Variants in EXT2 observed in about 807,000 individuals in gnomAD.
EXT2 encodes the protein exostosin glycosyltransferase 2.
EXT2 carries 53 observed loss-of-function variants against 81.6 expected under a neutral mutation model. The ratio of observed to expected loss-of-function variants is 0.65; its 90% CI spans 0.52 to 0.82. The LOEUF is 0.82. Ranked by LOEUF, EXT2 falls within the 40% of genes least tolerant of loss-of-function variation. EXT2 has a pLI of 0.00. For synonymous variants in EXT2, 320 were observed against 340.0 expected (o/e 0.94, Z 0.65); for missense variants, 774 against 910.2 (o/e 0.85, Z 1.93).
rs78021446 is a variant in EXT2, at chr11:44,241,326, A to C, written c.2019-2823A>C. 5.0e-3 allele frequency among the ~76,000 whole-genome samples: 758 copies of C among 152,376 alleles called. 7 individuals are homozygous for C. Among genetic ancestry groups the C allele is most frequent in the East Asian group, 0.044 (226 of 5,188 alleles). ...AATTAGGCTAATCTTTATTCAAATGATGAGTTTGCCACACTTATTAGCTGT... is the reference window on the plus strand; with the variant it reads ...AATTAGGCTAATCTTTATTCAAATGCTGAGTTTGCCACACTTATTAGCTGT... On this transcript the variant is annotated intron_variant, in intron 13 of 13. Coordinates refer to ENST00000533608, the MANE Select transcript of EXT2 (RefSeq NM_207122.2).
intron 3 of EXT2, 140 bp from the exon 4 acceptor site, chr11:44,114,045 A>G (rs1954184313): frequency 1.3e-6 from 1 of 790,302 alleles, no homozygotes; most frequent in Admixed American, 1.8e-5. Context: ...TGTATAAGGC[A>G]TTGTCTTTAT....
intron 1 of EXT2, among the ~76,000 whole-genome samples, chr11:44,106,732 C>A (rs1313866934): frequency 6.6e-6 from 1 of 152,162 alleles, no homozygotes; most frequent in Non-Finnish European, 1.5e-5. Flanking sequence ...TGGATTCAAG[C>A]AATTCTCCTG....
At chr11:44,209,323 G>T (rs899815669) in intron 10 of EXT2, among the ~76,000 whole-genome samples, 1 of 152,130 alleles carries the variant, frequency 6.6e-6, no homozygotes, top group Non-Finnish European at 1.5e-5. Context: ...CTGTGTGATA[G>T]ACAGTAGATT....
chr11:44,169,491 G>T (rs958873018), intron 7 of EXT2, among the ~76,000 whole-genome samples: 2 of 151,956 alleles, frequency 1.3e-5, no homozygotes, highest in South Asian at 2.1e-4. Flanking sequence ...AAAATTTTTT[G>T]ATCAATTCTA....
chr11:44,152,233 T>C (rs899443134), intron 7 of EXT2, among the ~76,000 whole-genome samples: 9 of 152,220 alleles, frequency 5.9e-5, no homozygotes, highest in Admixed American at 2.6e-4. Context: ...AAGTCCAGCT[T>C]ATCTATTATT....
intron 8 of EXT2, among the ~76,000 whole-genome samples, chr11:44,174,888 G>A (rs769531020): frequency 1.9e-4 from 29 of 152,162 alleles, no homozygotes; most frequent in Non-Finnish European, 3.4e-4. Flanking sequence ...GTAGTTTAAG[G>A]AACTTCAGAG....
intron 1 of EXT2, among the ~76,000 whole-genome samples, chr11:44,105,610 A>G (rs1181742974): frequency 6.6e-6 from 1 of 152,306 alleles, no homozygotes; most frequent in East Asian, 1.9e-4. Context: ...GTGGATTGGT[A>G]TTTTGACATG....
chr11:44,173,800 C>A lies in EXT2; in HGVS notation c.1305+2058C>A, dbSNP rs543665220. ...AGCCAGGATGGTCTCATCTCCTGAT[C>A]TTGTGATCCGCCTGCCTCGGCCTCC... On this transcript the variant is annotated intron_variant, in intron 8 of 13. Coordinates refer to ENST00000533608, the MANE Select transcript of EXT2 (RefSeq NM_207122.2). Among the ~76,000 whole-genome samples, 7 of 152,130 alleles carry A rather than the reference C, an allele frequency of 4.6e-5. No individual in the cohort carries two copies. In the South Asian group the frequency reaches 1.5e-3, roughly 32 times the overall value.
chr11:44,206,427 C>A (rs1460582472), intron 9 of EXT2, among the ~76,000 whole-genome samples: 12 of 152,190 alleles, frequency 7.9e-5, no homozygotes. Flanking sequence ...CTCTTCCTGT[C>A]ATTGTGACCT....
intron 7 of EXT2, among the ~76,000 whole-genome samples, chr11:44,143,108 C>T (rs932286910): frequency 1.3e-5 from 2 of 152,156 alleles, no homozygotes; most frequent in African/African-American, 4.8e-5. Context: ...TGCACCACCA[C>T]ACCTGGCTAA....
chr11:44,096,327 G>A lies in EXT2; in HGVS notation c.-31+475G>A, dbSNP rs941248621. On this transcript the variant is annotated intron_variant, in intron 1 of 13. Coordinates refer to ENST00000533608, the MANE Select transcript of EXT2 (RefSeq NM_207122.2). ...GCCAGAAGCCGTGGGACGAGGTAGG[G>A]AAGGGGCCAGGGGCATGTTATGCCG... 2.0e-6 allele frequency: 3 copies of A among 1,535,748 alleles called. No individual in the cohort carries two copies. The African/African-American group carries it at 4.1e-5, about 21-fold the overall frequency.
At position 44,232,352 on chromosome 11, in the gene EXT2, G is replaced by A; in HGVS notation, c.1663-1G>A. 1 of 1,613,686 alleles carries A rather than the reference G, an allele frequency of 6.2e-7. No homozygotes were observed. The highest frequency in any genetic ancestry group is 2.2e-5 in the East Asian group (1 of 44,888). ...GATTGTTATTATGTGTCTGTCCTTA[G>A]GTCTGGCGGGAATTTCCTGACCGGT... On this transcript the variant is annotated splice_acceptor_variant, in intron 10 of 13. Transcript: ENST00000533608. LOFTEE classifies it high-confidence loss of function.
intron 1 of EXT2, among the ~76,000 whole-genome samples, chr11:44,099,298 G>T (rs1386451710): frequency 6.6e-6 from 1 of 152,116 alleles, no homozygotes; most frequent in Non-Finnish European, 1.5e-5. Flanking sequence ...CCATTCTCCT[G>T]CCTCAGCCTC....
intron 10 of EXT2, among the ~76,000 whole-genome samples, chr11:44,211,269 C>T (rs1955644876): frequency 6.6e-6 from 1 of 152,198 alleles, no homozygotes; most frequent in Non-Finnish European, 1.5e-5. Context: ...AGCAACCCCA[C>T]TTGTGGGTAT....
At chr11:44,218,202 G>A (rs112496900) in intron 10 of EXT2, among the ~76,000 whole-genome samples, 17 of 152,262 alleles carry the variant, frequency 1.1e-4, no homozygotes, top group African/African-American at 3.1e-4. Context: ...ATGGAAGACC[G>A]CAAAATAGCA....
At chr11:44,215,913 A>G (rs893446316) in intron 10 of EXT2, among the ~76,000 whole-genome samples, 1 of 134,480 alleles carries the variant, frequency 7.4e-6, no homozygotes, top group African/African-American at 2.9e-5. Flanking sequence ...TCTGTCGCCC[A>G]GGTCGGACTG....
At chr11:44,168,413 C>A (rs905634466) in intron 7 of EXT2, among the ~76,000 whole-genome samples, 5 of 151,984 alleles carry the variant, frequency 3.3e-5, no homozygotes, top group African/African-American at 9.7e-5. Flanking sequence ...GAGGAGAGTG[C>A]AACAGAAATA....
Position 44,197,940 on chromosome 11 carries a change from A to G in EXT2, c.1417A>G (p.Ile473Val), listed in dbSNP as rs773201088. The G allele has an allele frequency of 6.2e-7, 1 of 1,614,010 alleles. No individual in the cohort carries two copies. Among genetic ancestry groups the G allele is most frequent in the African/African-American group, 1.3e-5 (1 of 74,920 alleles). The stretch of plus-strand genomic sequence containing the variant: ...CCGAGTAGAGAGCCTCTTCCGGGTC[A>G]TCACTGAAGTGTCCAAGGTGCCCAG... ...YDRVESLFRVITEVSKVPSLS... is the reference protein window; with the variant it reads ...YDRVESLFRVVTEVSKVPSLS... The change falls in exon 9 of 14, where the codon ATC becomes GTC. Residue 473 changes from isoleucine to valine, a missense_variant. By Grantham distance (29) the Ile-to-Val change is conservative. Transcript: ENST00000533608.
At chr11:44,149,348 C>T (rs998325389) in intron 7 of EXT2, among the ~76,000 whole-genome samples, 1 of 152,162 alleles carries the variant, frequency 6.6e-6, no homozygotes, top group Non-Finnish European at 1.5e-5. Context: ...GGTGACAGAG[C>T]AAGACTCTGT....
Sources: allele counts gnomAD v4.1 joint callset (sites outside exome capture counted in the v4.1 genomes callset), GRCh38; gene constraint gnomAD v4.1.1; transcripts MANE v1.5; gene names NCBI Gene and HGNC (gene_info 2026-07-23, HGNC 2026-07-21).